OCM: variants seen among roughly 807,000 people sequenced by gnomAD.
The protein encoded by OCM is oncomodulin-1.
Under a neutral mutation model 14.1 loss-of-function variants are expected in OCM, and 18 were observed. The observed-to-expected ratio is 1.28, with a 90% CI of 0.88 to 1.89. The LOEUF is 1.89. OCM is among the 40% of genes most tolerant of loss of function. The pLI is 0.00. For synonymous variants in OCM, 48 were observed against 51.0 expected, an observed-to-expected ratio of 0.94 and a Z score of 0.25; for missense variants, 140 against 137.6, an observed-to-expected ratio of 1.02 and a Z score of -0.09.
At chr7:5,881,000 C>T (rs1224239196) in intron 1 of OCM, 50 bp downstream of exon 1, 2 of 1,572,162 alleles carry the variant, frequency 1.3e-6, no homozygotes, top group Non-Finnish European at 1.8e-6. Context: ...CTTTGCACCT[C>T]CAGCGAGTCA....
At chr7:5,860,497 A>T in the OCM span, among the ~76,000 whole-genome samples, 1 of 121,514 alleles carries the variant, frequency 8.2e-6, no homozygotes, top group Non-Finnish European at 1.8e-5. Context: ...GTGTATATAT[A>T]TATTACGTAT....
At chr7:5,869,852 C>T in the OCM span, among the ~76,000 whole-genome samples, 1 of 152,136 alleles carries the variant, frequency 6.6e-6, no homozygotes, top group Non-Finnish European at 1.5e-5. Context: ...TTGAAGCATT[C>T]ATACCCTTGC....
upstream of OCM, among the ~76,000 whole-genome samples, chr7:5,878,175 G>A (rs148146177): frequency 0.082 from 12,353 of 151,210 alleles, 605 homozygotes; most frequent in Admixed American, 0.12. Context: ...ACGTTGGTCA[G>A]GCTGGTCTCG....
At chr7:5,860,592 G>A in the OCM span, among the ~76,000 whole-genome samples, 1 of 52,532 alleles carries the variant, frequency 1.9e-5, no homozygotes, top group Non-Finnish European at 3.2e-5. Context: ...GTATATATAC[G>A]TGTATATATA....
the OCM span, among the ~76,000 whole-genome samples, chr7:5,868,065 C>G: frequency 6.6e-6 from 1 of 151,452 alleles, no homozygotes; most frequent in Non-Finnish European, 1.5e-5. Flanking sequence ...TTTTCAAACT[C>G]ATTACTCTTT....
the OCM span, among the ~76,000 whole-genome samples, chr7:5,860,132 G>T: frequency 6.6e-6 from 1 of 151,946 alleles, no homozygotes; most frequent in African/African-American, 2.4e-5. Context: ...AGCGAGAGAT[G>T]CCAGCTCTCT....
chr7:5,878,813 T>TA (rs1178687086), upstream of OCM, among the ~76,000 whole-genome samples: 2 of 137,258 alleles, frequency 1.5e-5, no homozygotes, highest in Non-Finnish European at 3.1e-5. Flanking sequence ...CCACAATAAT[T>TA]AAAAAGAACA....
At chr7:5,874,792 C>T in the OCM span, among the ~76,000 whole-genome samples, 2,030 of 152,092 alleles carry the variant, frequency 0.013, 13 homozygotes, top group Admixed American at 0.02. Flanking sequence ...AGACGTGCAC[C>T]GCCGCACCCA....
chr7:5,865,667 A>G, the OCM span, among the ~76,000 whole-genome samples: 1 of 152,210 alleles, frequency 6.6e-6, no homozygotes, highest in Admixed American at 6.5e-5. Context: ...ATTAATGAAC[A>G]TGAATCACCT....
chr7:5,885,125 G>A (rs200698788), intron 3 of OCM, among the ~76,000 whole-genome samples: 139 of 147,562 alleles, frequency 9.4e-4, no homozygotes, highest in South Asian at 1.1e-3. Context: ...TATCTCAAAA[G>A]AAAAAAAAAA....
the OCM span, among the ~76,000 whole-genome samples, chr7:5,861,352 C>T: frequency 1.3e-5 from 2 of 151,314 alleles, no homozygotes; most frequent in Admixed American, 6.6e-5. Context: ...ACCCAGGAGG[C>T]GGAGGTTGAA....
chr7:5,860,678 A>G, the OCM span, among the ~76,000 whole-genome samples: 2 of 102,664 alleles, frequency 1.9e-5, 1 homozygote, highest in African/African-American at 9.0e-5. Context: ...ACGTGTATAT[A>G]TACGTGTGTA....
In OCM at chr7:5,882,116, A is replaced by AAAG. The variant is rs1562530350; in HGVS notation, c.62-375_62-374insGAA. 3.3e-4 allele frequency among the ~76,000 whole-genome samples: 33 copies of AAAG among 100,960 alleles called. 6 individuals are homozygous for AAAG. Among genetic ancestry groups the AAAG allele is most frequent in the African/African-American group, 1.2e-3 (32 of 26,090 alleles). 66.2% of individuals were successfully genotyped at this position (100,960 alleles called of 152,430 possible). A position where few individuals can be genotyped will look rare whatever the true frequency, so the allele number is the denominator to read the frequency against. On this transcript the variant is annotated intron_variant, in intron 1 of 3. Coordinates refer to ENST00000242104, the MANE Select transcript of OCM (RefSeq NM_001097622.2). ...AAAAAAAAAAAAAAAAAAAAAAAAA[A>AAAG]AAAGCGCCAAAGGCCATTTAGCCTG...
chr7:5,881,317 A>G (rs1329624170), intron 1 of OCM, among the ~76,000 whole-genome samples: 1 of 146,734 alleles, frequency 6.8e-6, no homozygotes, highest in African/African-American at 2.6e-5. Flanking sequence ...GACTCTGTCT[A>G]CAAAAAAAAA....
At chr7:5,870,189 C>T in the OCM span, among the ~76,000 whole-genome samples, 118 of 152,246 alleles carry the variant, frequency 7.8e-4, no homozygotes, top group African/African-American at 2.8e-3. Flanking sequence ...TCACTGCAGC[C>T]TTGATCTCCC....
intron 3 of OCM, among the ~76,000 whole-genome samples, chr7:5,885,573 A>C (rs1380959885): frequency 1.3e-5 from 2 of 151,440 alleles, no homozygotes; most frequent in Admixed American, 6.6e-5. Context: ...CTCGAGATAT[A>C]GTCATTGATA....
the OCM span, among the ~76,000 whole-genome samples, chr7:5,861,386 A>G: frequency 7.9e-5 from 12 of 151,632 alleles, no homozygotes; most frequent in Middle Eastern, 3.4e-3. Flanking sequence ...GCACCATTGC[A>G]CTCCAGCCTG....
intron 1 of OCM, 94 bp downstream of exon 1, chr7:5,881,044 C>T (rs1439196637): frequency 9.4e-6 from 12 of 1,275,488 alleles, no homozygotes; most frequent in Non-Finnish European, 1.3e-5. Flanking sequence ...GGCGGCCAGA[C>T]GCAGTGGCTC....
the OCM span, among the ~76,000 whole-genome samples, chr7:5,871,282 G>C: frequency 6.6e-6 from 1 of 151,478 alleles, no homozygotes; most frequent in Non-Finnish European, 1.5e-5. Context: ...TTGAGCCCAG[G>C]AGGCAGAGGC....
Sources: gnomAD v4.1 joint callset for allele counts (sites outside exome capture counted in the v4.1 genomes callset) on GRCh38, gnomAD v4.1.1 for gene constraint, MANE v1.5 for transcripts, NCBI Gene and HGNC (gene_info 2026-07-23, HGNC 2026-07-21) for gene names.